Variants in TMEM131 observed in about 807,000 individuals in gnomAD.
The protein encoded by TMEM131 is transmembrane protein 131, also known as 2610524E03Rik.
A neutral mutation model predicts 211.6 loss-of-function variants in TMEM131; 66 were observed. The observed-to-expected ratio is 0.31, with a 90% CI of 0.26 to 0.38. TMEM131 has a LOEUF of 0.38. Among genes scored for constraint, TMEM131 ranks in the 10% least tolerant of loss-of-function variants. The pLI, the probability that TMEM131 is intolerant of heterozygous loss-of-function variation, is 1.00. For missense variants in TMEM131, 2,036 were observed against 2,299.3 expected (o/e 0.89, Z 2.34); for synonymous variants, 844 against 841.3 (o/e 1.00, Z -0.06).
At chr2:97,889,965 C>T (rs906593433) in intron 3 of TMEM131, among the ~76,000 whole-genome samples, 4 of 152,056 alleles carry the variant, frequency 2.6e-5, no homozygotes, top group African/African-American at 4.8e-5. Flanking sequence ...TGTTTAGAAC[C>T]GAAAATGCCT....
chr2:97,818,849 T>G, intron 11 of TMEM131, 128 bp from the exon 12 acceptor site: 1 of 605,472 alleles, frequency 1.7e-6, no homozygotes, highest in Non-Finnish European at 2.9e-6. Flanking sequence ...TAACTTATGT[T>G]GTCCCTTTAA....
chr2:97,825,010 T>C (rs1378499360), intron 11 of TMEM131, among the ~76,000 whole-genome samples: 1 of 152,238 alleles, frequency 6.6e-6, no homozygotes, highest in African/African-American at 2.4e-5. Flanking sequence ...AATGGTTCAC[T>C]GTTCTGGACC....
chr2:97,892,226 A>C (rs1335564266), intron 3 of TMEM131, among the ~76,000 whole-genome samples: 1 of 152,110 alleles, frequency 6.6e-6, no homozygotes, highest in Non-Finnish European at 1.5e-5. Context: ...TGTCTGTCTT[A>C]TTATTCAGTT....
At chr2:97,780,852 G>A (rs370514083) in intron 31 of TMEM131, among the ~76,000 whole-genome samples, 9 of 151,820 alleles carry the variant, frequency 5.9e-5, no homozygotes, top group East Asian at 1.9e-4. Flanking sequence ...ATGGAGAAGC[G>A]GTTTAGAAAA....
chr2:97,928,042 T>C (rs576288833), intron 1 of TMEM131, among the ~76,000 whole-genome samples: 1 of 152,296 alleles, frequency 6.6e-6, no homozygotes, highest in East Asian at 1.9e-4. Context: ...AGTTATACCA[T>C]ACAATCTGGC....
intron 1 of TMEM131, among the ~76,000 whole-genome samples, chr2:97,959,536 G>GA (rs1323850984): frequency 1.3e-5 from 2 of 150,290 alleles, no homozygotes; most frequent in Admixed American, 1.3e-4. Flanking sequence ...ATATATATGA[G>GA]AAAAAAATAT....
intron 1 of TMEM131, among the ~76,000 whole-genome samples, chr2:97,954,806 C>CAAAAAAAAAAAAAAAAAA (rs778680522): frequency 3.0e-4 from 11 of 37,022 alleles, no homozygotes; most frequent in Non-Finnish European, 3.8e-4. Flanking sequence ...AACTCCATCT[C>CAAAAAAAAAAAAAAAAAA]AAAAAAAAAA....
intron 32 of TMEM131, 51 bp from the exon 33 acceptor site, chr2:97,772,475 A>T (rs1679512868): frequency 6.4e-7 from 1 of 1,566,694 alleles, no homozygotes; most frequent in Non-Finnish European, 8.6e-7. Context: ...AAATGACTGA[A>T]ATTAGTTCCA....
chr2:97,993,796 A>G (rs1680364904), intron 1 of TMEM131, among the ~76,000 whole-genome samples: 1 of 152,278 alleles, frequency 6.6e-6, no homozygotes, highest in Non-Finnish European at 1.5e-5. Context: ...TAGCAAATAT[A>G]TTTTAGGCTG....
intron 1 of TMEM131, among the ~76,000 whole-genome samples, chr2:97,969,469 G>A (rs1158104532): frequency 1.3e-5 from 2 of 152,042 alleles, no homozygotes; most frequent in Non-Finnish European, 2.9e-5. Flanking sequence ...ACACCTAACT[G>A]CCTGTATTAT....
At chr2:97,827,406 A>C in intron 11 of TMEM131, 2 of 1,025,832 alleles carry the variant, frequency 1.9e-6, no homozygotes, top group East Asian at 4.7e-5. Flanking sequence ...TGCAAACAAA[A>C]GGGAAAAGGG....
intron 4 of TMEM131, among the ~76,000 whole-genome samples, chr2:97,881,783 A>G (rs1472429840): frequency 6.6e-6 from 1 of 150,406 alleles, no homozygotes; most frequent in Non-Finnish European, 1.5e-5. Flanking sequence ...AAGAGGGGCC[A>G]TTCTGTATTA....
intron 1 of TMEM131, among the ~76,000 whole-genome samples, chr2:97,960,506 A>G (rs1678769234): frequency 6.6e-6 from 1 of 152,060 alleles, no homozygotes; most frequent in Non-Finnish European, 1.5e-5. Flanking sequence ...TTAGTCCTGG[A>G]GCACATGTTT....
intron 2 of TMEM131, among the ~76,000 whole-genome samples, chr2:97,920,033 C>A (rs965532385): frequency 3.3e-5 from 5 of 152,196 alleles, no homozygotes; most frequent in African/African-American, 1.2e-4. Context: ...TTGGGCTCCT[C>A]CCAGACAATG....
At chr2:97,775,315 C>T (rs1679670620) in intron 32 of TMEM131, among the ~76,000 whole-genome samples, 1 of 152,118 alleles carries the variant, frequency 6.6e-6, no homozygotes, top group Non-Finnish European at 1.5e-5. Context: ...GCTCCTCGTC[C>T]CTGGGGGCCA....
chr2:97,808,254 G>C (rs115734227), intron 19 of TMEM131, among the ~76,000 whole-genome samples: 4,446 of 152,204 alleles, frequency 0.029, 79 homozygotes, highest in Middle Eastern at 0.065. Context: ...TTCAGATTTG[G>C]GAACATTTTG....
chr2:97,923,770 T>C (rs1211064457), intron 2 of TMEM131, among the ~76,000 whole-genome samples: 1 of 152,096 alleles, frequency 6.6e-6, no homozygotes, highest in East Asian at 1.9e-4. Context: ...GCTAGCTTTT[T>C]TCCTGACCTT....
chr2:97,946,656 T>C (rs1490963553), intron 1 of TMEM131, among the ~76,000 whole-genome samples: 2 of 151,512 alleles, frequency 1.3e-5, no homozygotes, highest in African/African-American at 2.4e-5. Flanking sequence ...TTCTCCCAAA[T>C]ATTTAAGGGG....
intron 1 of TMEM131, among the ~76,000 whole-genome samples, chr2:97,979,776 T>C (rs1679704869): frequency 6.6e-6 from 1 of 152,226 alleles, no homozygotes; most frequent in Admixed American, 6.5e-5. Context: ...CATTCATTTG[T>C]TCACCAGAGT....
Sources: gnomAD v4.1 joint callset for allele counts (sites outside exome capture counted in the v4.1 genomes callset) on GRCh38, gnomAD v4.1.1 for gene constraint, MANE v1.5 for transcripts, NCBI Gene and HGNC (gene_info 2026-07-23, HGNC 2026-07-21) for gene names.